Variants in HS3ST4 observed in about 807,000 individuals in gnomAD.
The protein encoded by HS3ST4 is heparan sulfate-glucosamine 3-sulfotransferase 4.
HS3ST4 carries 17 observed loss-of-function variants against 29.2 expected under a neutral mutation model. The observed-to-expected ratio is 0.58, with a 90% CI of 0.40 to 0.87. HS3ST4 has a LOEUF of 0.87. Among genes scored for constraint, HS3ST4 ranks in the 40% least tolerant of loss-of-function variants. The pLI, the probability that HS3ST4 is intolerant of heterozygous loss-of-function variation, is 0.00. For synonymous variants in HS3ST4, 314 were observed against 285.7 expected, an observed-to-expected ratio of 1.10 and a Z score of -1.00; for missense variants, 627 against 634.5, an observed-to-expected ratio of 0.99 and a Z score of 0.13.
intron 1 of HS3ST4, among the ~76,000 whole-genome samples, chr16:25,745,737 A>G (rs1377063123): frequency 2.0e-5 from 3 of 152,160 alleles, no homozygotes; most frequent in Non-Finnish European, 4.4e-5. Context: ...TATCTTGTCT[A>G]GAGTTTTATA....
chr16:26,073,129 A>G (rs560872681), intron 1 of HS3ST4, among the ~76,000 whole-genome samples: 4 of 152,324 alleles, frequency 2.6e-5, no homozygotes, highest in African/African-American at 7.2e-5. Flanking sequence ...TTAATCAACA[A>G]ACATTTATTG....
intron 1 of HS3ST4, among the ~76,000 whole-genome samples, chr16:25,726,704 A>G (rs117940188): frequency 4.8e-3 from 725 of 152,304 alleles, no homozygotes; most frequent in Non-Finnish European, 7.9e-3. Context: ...TCACAGATGA[A>G]ATTCGTGGCA....
chr16:25,856,662 CAAAG>C (rs1266048344), intron 1 of HS3ST4, among the ~76,000 whole-genome samples: 2 of 152,222 alleles, frequency 1.3e-5, no homozygotes, highest in East Asian at 3.9e-4. Context: ...AAAAATCACA[CAAAG>C]AAATCTCAAA....
intron 1 of HS3ST4, among the ~76,000 whole-genome samples, chr16:25,940,624 C>T (rs548897988): frequency 6.6e-6 from 1 of 152,312 alleles, no homozygotes; most frequent in South Asian, 2.1e-4. Context: ...GGGGCATGGA[C>T]AGCAGAGCCA....
At chr16:26,025,648 G>A (rs1458799362) in intron 1 of HS3ST4, among the ~76,000 whole-genome samples, 1 of 152,188 alleles carries the variant, frequency 6.6e-6, no homozygotes, top group Non-Finnish European at 1.5e-5. Context: ...TAAAGGCTAG[G>A]GCAGGCTCCT....
At chr16:25,956,298 G>A (rs1968732131) in intron 1 of HS3ST4, among the ~76,000 whole-genome samples, 1 of 152,116 alleles carries the variant, frequency 6.6e-6, no homozygotes, top group Non-Finnish European at 1.5e-5. Context: ...TGCTGTCTTA[G>A]CAAAGTCTTA....
At chr16:25,839,701 T>C (rs1967394217) in intron 1 of HS3ST4, among the ~76,000 whole-genome samples, 2 of 151,870 alleles carry the variant, frequency 1.3e-5, no homozygotes, top group African/African-American at 4.9e-5. Flanking sequence ...TTCACTGTTT[T>C]GTCTATGATA....
chr16:25,723,102 C>A (rs1966508566), intron 1 of HS3ST4, among the ~76,000 whole-genome samples: 1 of 152,178 alleles, frequency 6.6e-6, no homozygotes, highest in African/African-American at 2.4e-5. Flanking sequence ...TTGGGGAAAT[C>A]ACCCTTATGA....
chr16:25,877,332 A>G (rs926925049), intron 1 of HS3ST4, among the ~76,000 whole-genome samples: 2 of 152,130 alleles, frequency 1.3e-5, no homozygotes, highest in Non-Finnish European at 2.9e-5. Context: ...AAGTCCAATG[A>G]CTGGTGTACT....
At chr16:26,070,020 T>C (rs2141776718) in intron 1 of HS3ST4, among the ~76,000 whole-genome samples, 2 of 152,276 alleles carry the variant, frequency 1.3e-5, no homozygotes, top group African/African-American at 4.8e-5. Context: ...TAAACATACG[T>C]GTGCATATGT....
rs189333179 is a variant in HS3ST4, at chr16:25,774,783, G to A, written c.734+81632G>A. Among the ~76,000 whole-genome samples the A allele has an allele frequency of 1.1e-3, 174 of 152,320 alleles. 1 individual carries two copies. Among genetic ancestry groups the A allele is most frequent in the African/African-American group, 3.9e-3 (163 of 41,562 alleles). On this transcript the variant is annotated intron_variant, in intron 1 of 1. Transcript: ENST00000331351. ...GCAGTACCTACATGATCTATTAGTT[G>A]TGTAGTTTCACCTTCAGAATCTTGA...
At chr16:25,770,247 TAA>T (rs1177780104) in intron 1 of HS3ST4, among the ~76,000 whole-genome samples, 1 of 152,202 alleles carries the variant, frequency 6.6e-6, no homozygotes, top group African/African-American at 2.4e-5. Flanking sequence ...TATGACTTCC[TAA>T]AGAGTGAGAA....
rs368632298 is a variant in HS3ST4 at position 26,118,498 on chromosome 16, C to T, written c.735-17114C>T. Among the ~76,000 whole-genome samples, 11 of 152,316 alleles carry T rather than the reference C, an allele frequency of 7.2e-5. No individual in the cohort carries two copies. The East Asian group carries it at 1.3e-3, about 19-fold the overall frequency. Reference sequence around the variant, plus strand: ...ATGATGAAAATAGCCTATATCTGCACCTCCAAGACAGTAGCCACTAGCCAT... The same window carrying T: ...ATGATGAAAATAGCCTATATCTGCATCTCCAAGACAGTAGCCACTAGCCAT... On this transcript the variant is annotated intron_variant, in intron 1 of 1. Transcript: ENST00000331351.
At position 26,032,607 on chromosome 16, in the gene HS3ST4, G is replaced by A. The variant is rs566527638; in HGVS notation, c.735-103005G>A. Reference sequence around the variant, plus strand: ...GTTTTGGCATCTCCATTTTCTGCAGGGTTATTCCCCTCCTTGCCAGCATCA... The same window carrying A: ...GTTTTGGCATCTCCATTTTCTGCAGAGTTATTCCCCTCCTTGCCAGCATCA... On this transcript the variant is annotated intron_variant, in intron 1 of 1. Transcript: ENST00000331351. The A allele has an allele frequency of 3.9e-5, 54 of 1,385,210 alleles. 2 individuals are homozygous for A. The South Asian group carries it at 5.8e-4, about 15-fold the overall frequency. The allele number at this position is 1,385,210 out of a possible 1,614,324, so 85.8% of individuals were successfully genotyped here.
chr16:25,902,143 T>A (rs117296493), intron 1 of HS3ST4, among the ~76,000 whole-genome samples: 1,717 of 152,280 alleles, frequency 0.011, 18 homozygotes, highest in Middle Eastern at 0.017. Context: ...ATCAGCTCAC[T>A]GTCCATGGCC....
At chr16:26,029,361 A>AT (rs1969510449) in intron 1 of HS3ST4, among the ~76,000 whole-genome samples, 1 of 152,174 alleles carries the variant, frequency 6.6e-6, no homozygotes, top group South Asian at 2.1e-4. Context: ...GCCATCTTAA[A>AT]ATTCTTAATA....
intron 1 of HS3ST4, among the ~76,000 whole-genome samples, chr16:26,058,457 C>T (rs1596666317): frequency 1.3e-5 from 2 of 152,222 alleles, no homozygotes; most frequent in African/African-American, 4.8e-5. Context: ...GGAGAGAGCT[C>T]CTTGGCTGAG....
Position 25,840,970 on chromosome 16 carries a change from G to GTTTA in HS3ST4, c.734+147822_734+147823insATTT, listed in dbSNP as rs758166184. On this transcript the variant is annotated intron_variant, in intron 1 of 1. Coordinates refer to ENST00000331351, the MANE Select transcript of HS3ST4 (RefSeq NM_006040.3). ...ATTTACTTTACTTTAATTTATATTTGTTTGTTTATTTATTTATTTATTTAT... is the reference window on the plus strand; with the variant it reads ...ATTTACTTTACTTTAATTTATATTTGTTTATTTGTTTATTTATTTATTTATTTAT... 3.6e-3 allele frequency among the ~76,000 whole-genome samples: 464 copies of GTTTA among 129,210 alleles called. 1 individual carries two copies. The highest frequency in any genetic ancestry group is 4.8e-3 in the African/African-American group (151 of 31,494). 84.8% of individuals were successfully genotyped at this position (129,210 alleles called of 152,430 possible).
intron 1 of HS3ST4, among the ~76,000 whole-genome samples, chr16:25,934,136 T>A (rs376953147): frequency 6.6e-6 from 1 of 152,304 alleles, no homozygotes; most frequent in East Asian, 1.9e-4. Flanking sequence ...GGTTTGTAAG[T>A]GTCTGCTTCC....
Sources: gnomAD v4.1 joint callset for allele counts (sites outside exome capture counted in the v4.1 genomes callset) on GRCh38, gnomAD v4.1.1 for gene constraint, MANE v1.5 for transcripts, NCBI Gene and HGNC (gene_info 2026-07-23, HGNC 2026-07-21) for gene names.